SEC14L1: variants seen among roughly 807,000 people sequenced by gnomAD.
The protein encoded by SEC14L1 is SEC14-like protein 1.
SEC14L1 carries 48 observed loss-of-function variants against 85.3 expected under a neutral mutation model. The ratio of observed to expected loss-of-function variants is 0.56; its 90% CI spans 0.45 to 0.72. SEC14L1 has a LOEUF of 0.72. SEC14L1 is among the 30% of genes least tolerant of loss of function. The pLI is 0.00. For synonymous variants in SEC14L1, 391 were observed against 355.5 expected (o/e 1.10, Z -1.12); for missense variants, 682 against 921.4 (o/e 0.74, Z 3.36).
intron 3 of SEC14L1, among the ~76,000 whole-genome samples, chr17:77,098,072 C>T (rs557016857): frequency 1.3e-5 from 2 of 152,296 alleles, no homozygotes; most frequent in Admixed American, 1.3e-4. Flanking sequence ...GGCCAGATCT[C>T]ATGGGGCCTC....
At chr17:77,145,245 T>C (rs1973250266) in intron 3 of SEC14L1, among the ~76,000 whole-genome samples, 1 of 152,106 alleles carries the variant, frequency 6.6e-6, no homozygotes, top group Non-Finnish European at 1.5e-5. Flanking sequence ...CCTCCTGCCT[T>C]GGCCTTCCAA....
Position 77,141,111 on chromosome 17 carries a change from G to A in SEC14L1, c.-136+4G>A, listed in dbSNP as rs2143496172. ...GGCCCGGCCTTTCTGACAAGAGGTAGGCGCGTCGTCGCGGCGGGTCCGAGT... is the reference window on the plus strand; with the variant it reads ...GGCCCGGCCTTTCTGACAAGAGGTAAGCGCGTCGTCGCGGCGGGTCCGAGT... On this transcript the variant is annotated splice_donor_region_variant and intron_variant, in intron 1 of 16. Coordinates refer to ENST00000436233, the MANE Select transcript of SEC14L1 (RefSeq NM_001143998.2). 6.6e-6 allele frequency: 1 copy of A among 151,614 alleles called. No homozygotes were observed. The highest frequency in any genetic ancestry group is 2.1e-4 in the South Asian group (1 of 4,804). The allele number at this position is 151,614 out of a possible 1,614,324, so 9.4% of individuals were successfully genotyped here. A position where few individuals can be genotyped will look rare whatever the true frequency, so the allele number is the denominator to read the frequency against.
At chr17:77,202,129 AG>A (rs1976180661) in intron 9 of SEC14L1, among the ~76,000 whole-genome samples, 1 of 151,582 alleles carries the variant, frequency 6.6e-6, no homozygotes, top group Admixed American at 6.6e-5. Context: ...CCATGATGAT[AG>A]GGCAGTATGA....
chr17:77,101,918 C>T (rs765610311), intron 3 of SEC14L1, among the ~76,000 whole-genome samples: 1 of 152,294 alleles, frequency 6.6e-6, no homozygotes, highest in South Asian at 2.1e-4. Context: ...AGTTTATTCA[C>T]CAGGGTCTCT....
intron 2 of SEC14L1, among the ~76,000 whole-genome samples, chr17:77,092,902 C>G (rs767812229): frequency 2.1e-5 from 3 of 145,034 alleles, no homozygotes; most frequent in Non-Finnish European, 4.5e-5. Context: ...GAGCCGAGAT[C>G]ACGCCATTGC....
At chr17:77,123,026 C>T (rs1239367952) in intron 3 of SEC14L1, among the ~76,000 whole-genome samples, 1 of 151,940 alleles carries the variant, frequency 6.6e-6, no homozygotes, top group Non-Finnish European at 1.5e-5. Flanking sequence ...TCTGGTGTCT[C>T]CTTTTTTGTT....
chr17:77,202,345 G>A (rs921403041), intron 9 of SEC14L1, among the ~76,000 whole-genome samples: 36 of 152,082 alleles, frequency 2.4e-4, no homozygotes, highest in African/African-American at 7.0e-4. Flanking sequence ...GAGGCTGGGC[G>A]CGGTGGCTCA....
chr17:77,193,610 T>C (rs895510250), intron 6 of SEC14L1, 61 bp downstream of exon 6: 6 of 1,539,448 alleles, frequency 3.9e-6, no homozygotes, highest in Non-Finnish European at 5.3e-6. Context: ...ATGACCATCT[T>C]TTTGGAAGGC....
chr17:77,143,535 G>A lies in SEC14L1; in HGVS notation c.-30-32G>A, dbSNP rs554312863. The A allele has an allele frequency of 7.3e-5, 98 of 1,350,240 alleles. No individual in the cohort carries two copies. In the African/African-American group the frequency reaches 1.1e-3, roughly 15 times the overall value. The allele number at this position is 1,350,240 out of a possible 1,614,324, so 83.6% of individuals were successfully genotyped here. A position where few individuals can be genotyped will look rare whatever the true frequency, so the allele number is the denominator to read the frequency against. On this transcript the variant is annotated intron_variant, in intron 2 of 16. Coordinates refer to ENST00000436233, the MANE Select transcript of SEC14L1 (RefSeq NM_001143998.2). ...TACTAATAATTTGTTTCTGCATTGT[G>A]GTTACTTATCACATATATTTATGTT...
At chr17:77,201,102 C>T (rs1299198939) in intron 9 of SEC14L1, among the ~76,000 whole-genome samples, 1 of 152,222 alleles carries the variant, frequency 6.6e-6, no homozygotes, top group Non-Finnish European at 1.5e-5. Flanking sequence ...CAGCCCTGAG[C>T]ACTTCAGTTC....
chr17:77,166,272 C>G (rs921284358), intron 3 of SEC14L1, among the ~76,000 whole-genome samples: 1 of 152,146 alleles, frequency 6.6e-6, no homozygotes, highest in Non-Finnish European at 1.5e-5. Context: ...GCCTGCCAAA[C>G]ATTTTATGTT....
intron 3 of SEC14L1, among the ~76,000 whole-genome samples, chr17:77,179,123 C>T (rs1386849228): frequency 6.6e-6 from 1 of 152,130 alleles, no homozygotes. Context: ...GAAGAAGCTC[C>T]GATGGGTTGA....
intron 3 of SEC14L1, among the ~76,000 whole-genome samples, chr17:77,182,352 C>T (rs1220398225): frequency 6.6e-6 from 1 of 152,136 alleles, no homozygotes; most frequent in Non-Finnish European, 1.5e-5. Flanking sequence ...GTGCTGTTGC[C>T]AGCCTTCCAA....
At position 77,146,237 on chromosome 17, in the gene SEC14L1, G is replaced by C. The variant is rs535727691; in HGVS notation, c.63+2578G>C. ...CATCGCCAGGTAAAGTAGAGTGGCT[G>C]CCCACGGCCCGGGGTGGACACAGGG... On this transcript the variant is annotated intron_variant, in intron 3 of 16. Transcript: ENST00000436233. Among the ~76,000 whole-genome samples the C allele has an allele frequency of 1.3e-3, 200 of 152,280 alleles. 1 individual carries two copies. The highest frequency in any genetic ancestry group is 4.6e-3 in the African/African-American group (190 of 41,562).
Position 77,213,848 on chromosome 17 carries a change from C to G in SEC14L1, c.2043-70C>G. 6.3e-7 allele frequency: 1 copy of G among 1,577,692 alleles called. No homozygotes were observed. The highest frequency in any genetic ancestry group is 8.7e-7 in the Non-Finnish European group (1 of 1,148,498). ...GAACAGGGTGGGCCACGAAGTCCAG[C>G]AGGCAGTGTGGGCCGGCGGGTGGTT... On this transcript the variant is annotated intron_variant, in intron 16 of 16. Coordinates refer to ENST00000436233, the MANE Select transcript of SEC14L1 (RefSeq NM_001143998.2). The surrounding 1 kb of genome is among the most constrained non-coding windows in gnomAD (Gnocchi z 7.1).
At chr17:77,139,320 T>A (rs1257913496), upstream of SEC14L1, among the ~76,000 whole-genome samples, 1 of 151,506 alleles carries the variant, frequency 6.6e-6, no homozygotes, top group Non-Finnish European at 1.5e-5. Context: ...TACAGGCATC[T>A]GGCACCACAC....
intron 3 of SEC14L1, chr17:77,094,728 A>G (rs1042686373): frequency 6.6e-6 from 1 of 152,108 alleles, no homozygotes; most frequent in African/African-American, 2.4e-5. Context: ...GGCCTCCCAA[A>G]GTGCTGGGAT....
chr17:77,170,328 C>T (rs900687653), intron 3 of SEC14L1, among the ~76,000 whole-genome samples: 1 of 152,010 alleles, frequency 6.6e-6, no homozygotes, highest in Non-Finnish European at 1.5e-5. Context: ...TGAGTGCAAC[C>T]GTTTTTGGTG....
chr17:77,196,082 C>T (rs9675109), intron 7 of SEC14L1, 120 bp from the exon 8 acceptor site: 165,886 of 692,494 alleles, frequency 0.24, 21,388 homozygotes, highest in African/African-American at 0.32. Context: ...TCTGCCATCT[C>T]TGCGGTTTCA....
Sources: allele counts gnomAD v4.1 joint callset (sites outside exome capture counted in the v4.1 genomes callset), GRCh38; gene constraint gnomAD v4.1.1; non-coding constraint Gnocchi (gnomAD v3.1); transcripts MANE v1.5; gene names NCBI Gene and HGNC (gene_info 2026-07-23, HGNC 2026-07-21).